PPP1R37: variants seen among roughly 807,000 people sequenced by gnomAD.
The protein encoded by PPP1R37 is protein phosphatase 1 regulatory subunit 37, also known as leucine rich repeat containing 68.
In PPP1R37, 21 loss-of-function variants were observed where a neutral mutation model predicts 61.0. That is an observed-to-expected ratio of 0.34 (90% CI 0.24 to 0.50). The LOEUF is 0.50. PPP1R37 is among the 20% of genes least tolerant of loss of function. PPP1R37 has a pLI of 0.98. For missense variants in PPP1R37, 910 were observed against 952.7 expected (o/e 0.96, Z 0.59); for synonymous variants, 443 against 433.5 (o/e 1.02, Z -0.27).
intron 1 of PPP1R37, among the ~76,000 whole-genome samples, chr19:45,118,497 GT>G (rs1316644527): frequency 6.7e-6 from 1 of 150,182 alleles, no homozygotes; most frequent in Non-Finnish European, 1.5e-5. Context: ...TTTGTCTTGG[GT>G]TGGGGGTCCC....
At chr19:45,119,132 G>A (rs2122728270) in intron 1 of PPP1R37, among the ~76,000 whole-genome samples, 1 of 151,778 alleles carries the variant, frequency 6.6e-6, no homozygotes, top group East Asian at 1.9e-4. Context: ...GGGATTACAG[G>A]CACGTGCCAC....
chr19:45,098,739 C>T (rs1333020458), intron 1 of PPP1R37, among the ~76,000 whole-genome samples: 1 of 152,178 alleles, frequency 6.6e-6, no homozygotes, highest in Non-Finnish European at 1.5e-5. Context: ...TAAAAGCAGG[C>T]TGGACAGGTA....
chr19:45,119,327 G>A (rs1428108105), intron 1 of PPP1R37, among the ~76,000 whole-genome samples: 2 of 151,940 alleles, frequency 1.3e-5, no homozygotes, highest in East Asian at 3.9e-4. Context: ...GCTAATTTTT[G>A]TATTTTGTAG....
chr19:45,128,661 G>A (rs1968439092), intron 1 of PPP1R37: 2 of 1,234,972 alleles, frequency 1.6e-6, no homozygotes, highest in Non-Finnish European at 1.2e-6. Flanking sequence ...TGGCTTCGTG[G>A]TGCTCAAAGG....
intron 1 of PPP1R37, among the ~76,000 whole-genome samples, chr19:45,099,300 C>T (rs983625269): frequency 1.3e-5 from 2 of 152,208 alleles, no homozygotes; most frequent in Non-Finnish European, 2.9e-5. Flanking sequence ...GCTGTGTGAC[C>T]GTGGACAATT....
At chr19:45,113,758 T>G (rs1464766463) in intron 1 of PPP1R37, among the ~76,000 whole-genome samples, 3 of 152,200 alleles carry the variant, frequency 2.0e-5, no homozygotes, top group African/African-American at 7.2e-5. Context: ...CTCAGAGAGT[T>G]CTCTCCGCCC....
intron 7 of PPP1R37, chr19:45,142,819 A>T (rs1599712477): frequency 4.0e-6 from 1 of 247,234 alleles, no homozygotes; most frequent in Admixed American, 5.1e-5. Flanking sequence ...ATGGGAGAGG[A>T]GGGAAGACCA....
chr19:45,106,231 GTTTTGTTTTTGT>G (rs896132344), intron 1 of PPP1R37, among the ~76,000 whole-genome samples: 3 of 151,972 alleles, frequency 2.0e-5, no homozygotes, highest in African/African-American at 7.3e-5. Context: ...CCCTCCAGCT[GTTTTGTTTTTGT>G]TTTTGTTTTT....
rs1968689935 is a variant in PPP1R37 at position 45,145,852 on chromosome 19, C to T, written c.1796C>T (p.Pro599Leu). 1 of 1,519,986 alleles carries T rather than the reference C, an allele frequency of 6.6e-7. No homozygotes were observed. The highest frequency in any genetic ancestry group is 8.8e-7 in the Non-Finnish European group (1 of 1,136,712). 94.2% of individuals were successfully genotyped at this position (1,519,986 alleles called of 1,614,324 possible). ...TCTCCCCCACCCCCTCCCTCCCCAC[C>T]CGCCTCACCTTCCCTACCACCAGCC... ...PPSPPPPPSPPASPSLPPAGA... is the reference protein window; with the variant it reads ...PPSPPPPPSPLASPSLPPAGA... Residue 599 changes from proline (P) to leucine (L), a missense_variant, in exon 11 of 13, where the codon CCC (proline) becomes CTC (leucine). Around this residue, in one of 3 missense-constraint regions of PPP1R37, gnomAD observed 549 missense variants for 505.1 expected, o/e 1.09. Coordinates refer to ENST00000221462, the MANE Select transcript of PPP1R37 (RefSeq NM_019121.2).
intron 2 of PPP1R37, among the ~76,000 whole-genome samples, chr19:45,139,973 C>T (rs1201883018): frequency 1.3e-5 from 2 of 152,278 alleles, no homozygotes. Context: ...TCACTCGGTC[C>T]CGCTGGGGCA....
chr19:45,134,083 C>T (rs961427668), intron 1 of PPP1R37, among the ~76,000 whole-genome samples: 5 of 152,242 alleles, frequency 3.3e-5, no homozygotes, highest in Non-Finnish European at 7.3e-5. Flanking sequence ...TGTGTAGGGG[C>T]CCATCCTGGG....
In PPP1R37 at chr19:45,145,816, C is replaced by G; in HGVS notation, c.1760C>G (p.Pro587Arg). ...GAGAGGGCAGAGCCCCCTGCGTCCC[C>G]CACCCCTCCCTCTCCCCCACCCCCT... ...PPERAEPPASPTPPSPPPPPS... is the reference protein window; with the variant it reads ...PPERAEPPASRTPPSPPPPPS... Residue 587 changes from proline to arginine, a missense_variant, in exon 11 of 13, where the codon CCC (proline) becomes CGC (arginine). Pro to Arg is a moderately radical substitution (Grantham distance 103). This residue lies in a region of PPP1R37 where 549 missense variants were observed against 505.1 expected (regional missense o/e 1.09). Transcript: ENST00000221462. 7.3e-7 allele frequency: 1 copy of G among 1,372,018 alleles called. No homozygotes were observed. The highest frequency in any genetic ancestry group is 1.5e-5 in the South Asian group (1 of 68,438). The allele number at this position is 1,372,018 out of a possible 1,614,324, so 85.0% of individuals were successfully genotyped here. A position where few individuals can be genotyped will look rare whatever the true frequency, so the allele number is the denominator to read the frequency against.
Position 45,145,400 on chromosome 19 carries a change from G to C in PPP1R37, c.1344G>C (p.Gln448His), listed in dbSNP as rs1968676790. ...ETQKALLAEI[Q>H]NGCKRNLVLA... Reference sequence around the variant, plus strand: ...AGAAGGCGCTGCTGGCCGAGATCCAGAACGGCTGCAAGCGCAACTTGGTGC... The same window carrying C: ...AGAAGGCGCTGCTGGCCGAGATCCACAACGGCTGCAAGCGCAACTTGGTGC... Residue 448 changes from glutamine (Q) to histidine (H), a missense_variant, in exon 11 of 13, where the codon CAG becomes CAC. Physicochemically the swap from Gln to His is conservative, Grantham distance 24 (BLOSUM62 0). This residue lies in a region of PPP1R37 where 549 missense variants were observed against 505.1 expected (regional missense o/e 1.09). Transcript: ENST00000221462. The C allele has an allele frequency of 6.5e-7, 1 of 1,535,454 alleles. No homozygotes were observed. Among genetic ancestry groups the C allele is most frequent in the South Asian group, 1.2e-5 (1 of 84,054 alleles).
At chr19:45,124,337 G>A (rs1322122420) in intron 1 of PPP1R37, among the ~76,000 whole-genome samples, 1 of 152,244 alleles carries the variant, frequency 6.6e-6, no homozygotes, top group Non-Finnish European at 1.5e-5. Flanking sequence ...CCCTTCGGGG[G>A]ACGGGAAGAA....
chr19:45,129,592 C>T (rs549997286), intron 1 of PPP1R37, among the ~76,000 whole-genome samples: 6 of 152,206 alleles, frequency 3.9e-5, no homozygotes, highest in South Asian at 2.1e-4. Flanking sequence ...CCACTGAGCC[C>T]GGCCTTATTT....
At chr19:45,141,877 C>T (rs1011735644) in intron 5 of PPP1R37, among the ~76,000 whole-genome samples, 184 bp from the exon 6 acceptor site, 4 of 152,244 alleles carry the variant, frequency 2.6e-5, no homozygotes, top group African/African-American at 7.2e-5. Context: ...CCTTCCCTCC[C>T]CAGCCACAGT....
intron 1 of PPP1R37, among the ~76,000 whole-genome samples, chr19:45,136,582 C>T (rs968852760): frequency 3.3e-5 from 5 of 152,278 alleles, no homozygotes; most frequent in Middle Eastern, 3.4e-3. Flanking sequence ...GGGCCTTTGT[C>T]AGACAGCTCC....
intron 1 of PPP1R37, chr19:45,128,973 A>G: frequency 2.5e-6 from 2 of 806,398 alleles, no homozygotes; most frequent in Non-Finnish European, 4.2e-6. Flanking sequence ...GACCCTGATC[A>G]CCGTGCTGTC....
At chr19:45,120,323 A>G (rs1809919109) in intron 1 of PPP1R37, among the ~76,000 whole-genome samples, 1 of 151,862 alleles carries the variant, frequency 6.6e-6, no homozygotes, top group Non-Finnish European at 1.5e-5. Flanking sequence ...GGCTTTCCCC[A>G]CTTCTTGCAT....
Sources: gnomAD v4.1 joint callset for allele counts (sites outside exome capture counted in the v4.1 genomes callset) on GRCh38, gnomAD v4.1.1 for gene constraint, gnomAD v4.1.1 regional missense constraint, MANE v1.5 for transcripts, NCBI Gene and HGNC (gene_info 2026-07-23, HGNC 2026-07-21) for gene names.